The following COBL variants were observed in gnomAD, a reference collection of about 807,000 sequenced individuals.
COBL encodes cordon-bleu WH2 repeat protein, also known as protein cordon-bleu.
In COBL, 51 loss-of-function variants were observed where a neutral mutation model predicts 98.8. The observed-to-expected ratio is 0.52, with a 90% CI of 0.41 to 0.65. COBL has a LOEUF of 0.65. COBL is among the 30% of genes least tolerant of loss of function. COBL has a pLI of 0.00. For synonymous variants in COBL, 634 were observed against 651.7 expected, an observed-to-expected ratio of 0.97 and a Z score of 0.41; for missense variants, 1,617 against 1,617.5, an observed-to-expected ratio of 1.00 and a Z score of 0.01.
intron 1 of COBL, among the ~76,000 whole-genome samples, chr7:51,240,874 C>T (rs1795727946): frequency 6.6e-6 from 1 of 152,158 alleles, no homozygotes; most frequent in African/African-American, 2.4e-5. Context: ...ACTACACATC[C>T]TTTTTATAAG....
intron 5 of COBL, among the ~76,000 whole-genome samples, chr7:51,139,942 A>G (rs1286141907): frequency 6.6e-6 from 1 of 152,188 alleles, no homozygotes; most frequent in Non-Finnish European, 1.5e-5. Flanking sequence ...GGGACAGGCC[A>G]CTGCTTGCCT....
At chr7:51,266,532 C>T (rs1798218701) in intron 1 of COBL, among the ~76,000 whole-genome samples, 1 of 152,126 alleles carries the variant, frequency 6.6e-6, no homozygotes, top group Non-Finnish European at 1.5e-5. Context: ...GAGCCAAGAT[C>T]GCACCATTGC....
chr7:51,211,049 T>C (rs1792372720), intron 2 of COBL, among the ~76,000 whole-genome samples: 1 of 152,318 alleles, frequency 6.6e-6, no homozygotes, highest in Non-Finnish European at 1.5e-5. Flanking sequence ...AAAGGATTAA[T>C]GATTCTCTAA....
rs143198862 is a variant in COBL at position 51,312,225 on chromosome 7, G to A, written c.41+4368C>T. Among the ~76,000 whole-genome samples the A allele has an allele frequency of 2.7e-3, 416 of 152,094 alleles. 4 individuals carry two copies. Among genetic ancestry groups the A allele is most frequent in the African/African-American group, 9.7e-3 (402 of 41,478 alleles). On this transcript the variant is annotated intron_variant, in intron 1 of 12. Coordinates refer to ENST00000265136, the MANE Select transcript of COBL (RefSeq NM_015198.5). ...CACACCTGTAAATCCCAGCTACTCC[G>A]GAGGCTGAGGCAGGAGAATCGCTTG...
intron 7 of COBL, among the ~76,000 whole-genome samples, chr7:51,063,259 TG>T (rs1007923381): frequency 1.3e-5 from 2 of 151,772 alleles, no homozygotes; most frequent in African/African-American, 4.8e-5. Flanking sequence ...CTCAGCCTCC[TG>T]AGTAGCTGGG....
chr7:51,274,811 T>C (rs1456568133), intron 1 of COBL, among the ~76,000 whole-genome samples: 1 of 152,224 alleles, frequency 6.6e-6, no homozygotes, highest in African/African-American at 2.4e-5. Context: ...AAACCAGTCA[T>C]GTTTTAAAAT....
chr7:51,184,245 A>G, intron 4 of COBL, 46 bp from the exon 5 acceptor site: 1 of 1,082,146 alleles, frequency 9.2e-7, no homozygotes, highest in Non-Finnish European at 1.3e-6. Flanking sequence ...CTGAAACAAG[A>G]GATTCAATAC....
chr7:51,148,946 TC>T lies in COBL; in HGVS notation c.784-12616del, dbSNP rs61054727. On this transcript the variant is annotated intron_variant, in intron 5 of 12. Coordinates refer to ENST00000265136, the MANE Select transcript of COBL (RefSeq NM_015198.5). ...CACCCCACCACAAAAAAATCTCTTATCTTTGTAAACACTCGAGCCCACAATT... is the reference window on the plus strand; with the variant it reads ...CACCCCACCACAAAAAAATCTCTTATTTTGTAAACACTCGAGCCCACAATT... 6.1e-3 allele frequency among the ~76,000 whole-genome samples: 932 copies of T among 152,228 alleles called. 6 individuals carry two copies. Among genetic ancestry groups the T allele is most frequent in the African/African-American group, 0.022 (896 of 41,534 alleles).
chr7:51,099,297 A>T (rs1795600077), intron 6 of COBL, among the ~76,000 whole-genome samples: 1 of 152,226 alleles, frequency 6.6e-6, no homozygotes, highest in South Asian at 2.1e-4. Context: ...CAGAATTTCA[A>T]AGAGATGTGT....
At chr7:51,284,366 G>A (rs1186225021) in intron 1 of COBL, among the ~76,000 whole-genome samples, 3 of 151,838 alleles carry the variant, frequency 2.0e-5, no homozygotes, top group African/African-American at 7.3e-5. Flanking sequence ...ATGCAAGGCT[G>A]GTTCAATATT....
chr7:51,218,409 T>A (rs1335754848), intron 2 of COBL, among the ~76,000 whole-genome samples: 1 of 152,248 alleles, frequency 6.6e-6, no homozygotes, highest in African/African-American at 2.4e-5. Context: ...CCAGAGTGAT[T>A]TAATTTTCAC....
At chr7:51,203,424 T>C (rs1346783108) in intron 2 of COBL, among the ~76,000 whole-genome samples, 3 of 101,738 alleles carry the variant, frequency 2.9e-5, no homozygotes, top group East Asian at 2.3e-4. Context: ...ATCGCGCCAC[T>C]GCACTCCAGC....
At chr7:51,304,207 T>C (rs80318745) in intron 1 of COBL, among the ~76,000 whole-genome samples, 1,816 of 152,202 alleles carry the variant, frequency 0.012, 41 homozygotes, top group African/African-American at 0.042. Flanking sequence ...CAAGAACTGC[T>C]AGGAGAGCAA....
At chr7:51,287,248 T>C (rs1470158548) in intron 1 of COBL, among the ~76,000 whole-genome samples, 1 of 151,940 alleles carries the variant, frequency 6.6e-6, no homozygotes, top group African/African-American at 2.4e-5. Context: ...AAAATAAAAG[T>C]TGAAAAATCA....
At chr7:51,162,641 C>A (rs1294907753) in intron 5 of COBL, among the ~76,000 whole-genome samples, 1 of 152,166 alleles carries the variant, frequency 6.6e-6, no homozygotes, top group Non-Finnish European at 1.5e-5. Flanking sequence ...GTTTACTCAC[C>A]ATTTCAGAAC....
At chr7:51,130,236 C>G (rs1798610741) in intron 6 of COBL, among the ~76,000 whole-genome samples, 1 of 152,188 alleles carries the variant, frequency 6.6e-6, no homozygotes. Flanking sequence ...TGAGCCTCAG[C>G]CGACCTGAGT....
chr7:51,134,508 T>C (rs540183357), intron 6 of COBL, among the ~76,000 whole-genome samples: 1 of 152,200 alleles, frequency 6.6e-6, no homozygotes, highest in Non-Finnish European at 1.5e-5. Flanking sequence ...AAATACAACA[T>C]CTCTTCTGGG....
intron 6 of COBL, among the ~76,000 whole-genome samples, chr7:51,095,106 G>C (rs189839587): frequency 1.3e-5 from 2 of 152,192 alleles, no homozygotes; most frequent in Non-Finnish European, 2.9e-5. Flanking sequence ...ATAAAGGAAG[G>C]AGGTTTAATT....
chr7:51,223,758 G>A (rs763747291), intron 1 of COBL, among the ~76,000 whole-genome samples: 2 of 152,164 alleles, frequency 1.3e-5, no homozygotes, highest in African/African-American at 4.8e-5. Flanking sequence ...TGATATCTAC[G>A]TTGGCTGCAC....
Sources: gnomAD v4.1 joint callset for allele counts (sites outside exome capture counted in the v4.1 genomes callset) on GRCh38, gnomAD v4.1.1 for gene constraint, MANE v1.5 for transcripts, NCBI Gene and HGNC (gene_info 2026-07-23, HGNC 2026-07-21) for gene names.